The following KCNIP4 variants were observed in gnomAD, a reference collection of about 807,000 sequenced individuals.
KCNIP4 encodes Kv channel-interacting protein 4.
Under a neutral mutation model 34.0 loss-of-function variants are expected in KCNIP4, and 12 were observed. The ratio of observed to expected loss-of-function variants is 0.35; its 90% CI spans 0.23 to 0.57. The LOEUF (loss-of-function observed/expected upper bound fraction) is 0.57. Among genes scored for constraint, KCNIP4 ranks in the 20% least tolerant of loss-of-function variants. The pLI, the probability that KCNIP4 is intolerant of heterozygous loss-of-function variation, is 0.83. For missense variants in KCNIP4, 238 were observed against 311.7 expected (o/e 0.76, Z 1.78); for synonymous variants, 124 against 102.2 (o/e 1.21, Z -1.29).
At chr4:20,737,912 G>T (rs1430393320) in intron 5 of KCNIP4, among the ~76,000 whole-genome samples, 1 of 152,266 alleles carries the variant, frequency 6.6e-6, no homozygotes, top group East Asian at 1.9e-4. Flanking sequence ...TGGGAAGGTT[G>T]TTTGAGTCCA....
At chr4:21,895,329 T>C (rs997247206) in intron 1 of KCNIP4, among the ~76,000 whole-genome samples, 7 of 152,130 alleles carry the variant, frequency 4.6e-5, no homozygotes, top group African/African-American at 1.7e-4. Context: ...GATAAAACTC[T>C]CTCAAATGGT....
intron 1 of KCNIP4, among the ~76,000 whole-genome samples, chr4:21,433,219 G>T (rs190957513): frequency 1.2e-4 from 18 of 152,122 alleles, no homozygotes; most frequent in Admixed American, 6.5e-5. Context: ...ATATACATAC[G>T]TAACTAAGTT....
chr4:21,415,545 A>C (rs1298524074), intron 1 of KCNIP4, among the ~76,000 whole-genome samples: 1 of 151,834 alleles, frequency 6.6e-6, no homozygotes, highest in African/African-American at 2.4e-5. Flanking sequence ...TACAAAAAAA[A>C]AAAAAAATTA....
intron 1 of KCNIP4, among the ~76,000 whole-genome samples, chr4:21,351,969 C>T (rs967816036): frequency 1.8e-4 from 28 of 152,156 alleles, no homozygotes; most frequent in African/African-American, 6.8e-4. Context: ...AGCCTTGAAA[C>T]TAATCACATC....
chr4:21,250,574 T>C (rs1344195029), intron 1 of KCNIP4, among the ~76,000 whole-genome samples: 3 of 152,116 alleles, frequency 2.0e-5, no homozygotes, highest in Non-Finnish European at 4.4e-5. Context: ...AGAGTGACAG[T>C]TACATAAAAA....
intron 1 of KCNIP4, among the ~76,000 whole-genome samples, chr4:21,087,156 G>A (rs1356931556): frequency 7.0e-6 from 1 of 143,490 alleles, no homozygotes; most frequent in African/African-American, 2.6e-5. Context: ...ATGTGTGTGT[G>A]TGTGTGTGTG....
chr4:20,920,017 A>G (rs1044831540), intron 1 of KCNIP4, among the ~76,000 whole-genome samples: 1 of 152,188 alleles, frequency 6.6e-6, no homozygotes, highest in Admixed American at 6.5e-5. Context: ...GAATGGCTCT[A>G]GGCCATTTGA....
At chr4:21,252,970 T>C (rs1243080001) in intron 1 of KCNIP4, among the ~76,000 whole-genome samples, 1 of 151,942 alleles carries the variant, frequency 6.6e-6, no homozygotes, top group Non-Finnish European at 1.5e-5. Flanking sequence ...ATCTACCCCA[T>C]AAAGGGGTTG....
chr4:20,782,384 G>GTTCT (rs1756951175), intron 3 of KCNIP4, among the ~76,000 whole-genome samples: 1 of 152,188 alleles, frequency 6.6e-6, no homozygotes, highest in Non-Finnish European at 1.5e-5. Flanking sequence ...CTTCTGCACT[G>GTTCT]CCCTAGTAGA....
chr4:21,643,870 T>TA (rs1553915310), intron 1 of KCNIP4, among the ~76,000 whole-genome samples: 10,264 of 107,614 alleles, frequency 0.095, 356 homozygotes, highest in South Asian at 0.13. Context: ...ATGATGATGA[T>TA]GATAGATAGA....
At chr4:21,571,856 T>G (rs1414807930) in intron 1 of KCNIP4, among the ~76,000 whole-genome samples, 1 of 152,160 alleles carries the variant, frequency 6.6e-6, no homozygotes, top group Non-Finnish European at 1.5e-5. Flanking sequence ...GTTAATAACA[T>G]CTATCAAGCA....
intron 4 of KCNIP4, among the ~76,000 whole-genome samples, chr4:20,752,189 G>T (rs1753777750): frequency 6.6e-6 from 1 of 151,242 alleles, no homozygotes; most frequent in South Asian, 2.1e-4. Flanking sequence ...CTCCTGAGTA[G>T]CTGGGATTAC....
At chr4:20,885,812 G>A (rs1207411869) in intron 1 of KCNIP4, among the ~76,000 whole-genome samples, 1 of 152,114 alleles carries the variant, frequency 6.6e-6, no homozygotes, top group African/African-American at 2.4e-5. Context: ...TCACTTATTT[G>A]AGTATACCCT....
intron 1 of KCNIP4, among the ~76,000 whole-genome samples, chr4:21,191,265 G>T (rs1000766046): frequency 2.0e-5 from 3 of 152,182 alleles, no homozygotes; most frequent in African/African-American, 7.2e-5. Context: ...AAAGGGAGAA[G>T]AAATCGTGTT....
chr4:21,767,030 A>C (rs1339897033), intron 1 of KCNIP4, among the ~76,000 whole-genome samples: 1 of 152,184 alleles, frequency 6.6e-6, no homozygotes, highest in African/African-American at 2.4e-5. Context: ...GCAATGAAGA[A>C]AAACAAAGAG....
chr4:20,829,018 T>G (rs377055813), intron 3 of KCNIP4, among the ~76,000 whole-genome samples: 22 of 152,262 alleles, frequency 1.4e-4, no homozygotes, highest in African/African-American at 4.8e-4. Context: ...GGTGATGGCA[T>G]AGGCAGGGCA....
At chr4:20,900,784 T>C (rs1727079633) in intron 1 of KCNIP4, among the ~76,000 whole-genome samples, 2 of 151,974 alleles carry the variant, frequency 1.3e-5, no homozygotes, top group Non-Finnish European at 1.5e-5. Flanking sequence ...AACAGTGTTG[T>C]TAAAACACTC....
intron 1 of KCNIP4, among the ~76,000 whole-genome samples, chr4:21,043,083 G>A (rs1157754683): frequency 6.6e-6 from 1 of 152,130 alleles, no homozygotes; most frequent in East Asian, 1.9e-4. Flanking sequence ...TCCCTATTCT[G>A]TTACATTGTG....
In KCNIP4 at chr4:21,650,720, C is replaced by T. The variant is rs141798690; in HGVS notation, c.61+297851G>A. Among the ~76,000 whole-genome samples, 33 of 152,226 alleles carry T rather than the reference C, an allele frequency of 2.2e-4. No homozygotes were observed. The East Asian group carries it at 2.7e-3, about 12-fold the overall frequency. On this transcript the variant is annotated intron_variant, in intron 1 of 8. Coordinates refer to ENST00000382152, the MANE Select transcript of KCNIP4 (RefSeq NM_025221.6). ...TGAATTTATTATCACTCAGTTTCTG[C>T]GCATCACAACTCCAGACATGAAATA...
Sources: allele counts gnomAD v4.1 joint callset (sites outside exome capture counted in the v4.1 genomes callset), GRCh38; gene constraint gnomAD v4.1.1; transcripts MANE v1.5; gene names NCBI Gene and HGNC (gene_info 2026-07-23, HGNC 2026-07-21).